ZFAND3: variants seen among roughly 807,000 people sequenced by gnomAD.
ZFAND3 encodes zinc finger AN1-type containing 3.
Under a neutral mutation model 29.6 loss-of-function variants are expected in ZFAND3, and 10 were observed. The ratio of observed to expected loss-of-function variants is 0.34; its 90% confidence interval spans 0.21 to 0.57. ZFAND3 has a LOEUF of 0.57. ZFAND3 is among the 20% of genes least tolerant of loss of function. The probability of loss-of-function intolerance (pLI) is 0.86; values close to 1 mark genes in which losing one functional copy is unlikely to be tolerated. For missense variants in ZFAND3, 230 were observed against 304.5 expected (o/e 0.76, Z 1.82); for synonymous variants, 128 against 112.6 (o/e 1.14, Z -0.87).
chr6:37,992,990 G>C (rs2127436216), intron 2 of ZFAND3, among the ~76,000 whole-genome samples: 1 of 152,190 alleles, frequency 6.6e-6, no homozygotes, highest in East Asian at 1.9e-4. Context: ...ATTTGTTACT[G>C]CATCACATTC....
At chr6:37,913,708 C>CTTTTTTTTTTTTTTTTTTTTTTTTTTT (rs56045448) in intron 1 of ZFAND3, among the ~76,000 whole-genome samples, 15 of 113,038 alleles carry the variant, frequency 1.3e-4, no homozygotes, top group Admixed American at 3.8e-4. Context: ...CAGCTATATT[C>CTTTTTTTTTTTTTTTTTTTTTTTTTTT]TTTTTTTTTT....
chr6:38,024,557 T>G lies in ZFAND3; in HGVS notation c.113-37036T>G, dbSNP rs181998469. Among the ~76,000 whole-genome samples, 500 of 152,296 alleles carry G rather than the reference T, an allele frequency of 3.3e-3. 1 individual carries two copies. The highest frequency in any genetic ancestry group is 5.2e-3 in the Non-Finnish European group (356 of 68,012). ...AGTAGGTGGCAGGCAGCAGCCTATT[T>G]CTTCCATTGGATGAATGATTAAATA... On this transcript the variant is annotated intron_variant, in intron 2 of 5. Transcript: ENST00000287218.
At chr6:37,892,600 C>G (rs548658475) in intron 1 of ZFAND3, among the ~76,000 whole-genome samples, 1 of 151,820 alleles carries the variant, frequency 6.6e-6, no homozygotes, top group South Asian at 2.1e-4. Flanking sequence ...GAAAGAAGAA[C>G]AAAAATAAAG....
chr6:37,859,420 C>T (rs889296290), intron 1 of ZFAND3, among the ~76,000 whole-genome samples: 1 of 152,198 alleles, frequency 6.6e-6, no homozygotes, highest in Non-Finnish European at 1.5e-5. Context: ...TTCTCTTCAT[C>T]GCTCTTCCAT....
chr6:37,943,165 A>T (rs183513797), intron 2 of ZFAND3, among the ~76,000 whole-genome samples: 1 of 152,174 alleles, frequency 6.6e-6, no homozygotes, highest in African/African-American at 2.4e-5. Context: ...GAAACTAAAC[A>T]TAGGCATTTC....
chr6:38,098,541 C>A (rs1442330854), intron 4 of ZFAND3, among the ~76,000 whole-genome samples: 2 of 151,168 alleles, frequency 1.3e-5, no homozygotes, highest in Non-Finnish European at 2.9e-5. Context: ...CGCTCTGTTG[C>A]CCAGGCTGGA....
intron 4 of ZFAND3, among the ~76,000 whole-genome samples, chr6:38,091,690 C>A (rs774021997): frequency 9.9e-6 from 1 of 101,006 alleles, no homozygotes; most frequent in Non-Finnish European, 2.2e-5. Flanking sequence ...CATTAAGGAG[C>A]CTTTTTTTTT....
intron 2 of ZFAND3, among the ~76,000 whole-genome samples, chr6:38,023,911 C>G (rs144706713): frequency 5.3e-5 from 8 of 151,992 alleles, no homozygotes; most frequent in Admixed American, 1.3e-4. Flanking sequence ...CCCAGCTACT[C>G]GGGAGGCTGA....
rs1763818452 is a variant in ZFAND3, at chr6:38,042,854, G to C, written c.113-18739G>C. 1.3e-5 allele frequency among the ~76,000 whole-genome samples: 2 copies of C among 152,098 alleles called. 1 individual carries two copies. Among genetic ancestry groups the C allele is most frequent in the South Asian group, 4.2e-4 (2 of 4,816 alleles). The stretch of plus-strand genomic sequence containing the variant: ...TAAAAACCTACTTGAGAAAGTCATA[G>C]ATTAGCGTTCATGGTGGGAGACGTT... On this transcript the variant is annotated intron_variant, in intron 2 of 5. Coordinates refer to ENST00000287218, the MANE Select transcript of ZFAND3 (RefSeq NM_021943.3).
chr6:38,128,008 ACTT>A (rs1394202353), intron 5 of ZFAND3, among the ~76,000 whole-genome samples: 2 of 152,128 alleles, frequency 1.3e-5, no homozygotes, highest in East Asian at 3.9e-4. Context: ...GACTCTCTTA[ACTT>A]CTTCTTGTTA....
chr6:37,820,961 A>G (rs554784991), intron 1 of ZFAND3, among the ~76,000 whole-genome samples: 1 of 152,346 alleles, frequency 6.6e-6, no homozygotes, highest in South Asian at 2.1e-4. Context: ...TTCTGCAGTA[A>G]GAAAGCTGGA....
chr6:37,853,529 A>G (rs1012103314), intron 1 of ZFAND3, among the ~76,000 whole-genome samples: 5 of 152,072 alleles, frequency 3.3e-5, no homozygotes, highest in Admixed American at 2.0e-4. Context: ...AATACTATAA[A>G]TATTTTTGGG....
At chr6:37,862,518 CAAA>C (rs79671764) in intron 1 of ZFAND3, among the ~76,000 whole-genome samples, 5 of 111,592 alleles carry the variant, frequency 4.5e-5, no homozygotes, top group Non-Finnish European at 3.9e-5. Context: ...CCTATCTTTC[CAAA>C]AAAAAAAAAA....
intron 1 of ZFAND3, among the ~76,000 whole-genome samples, chr6:37,846,661 T>C (rs923686790): frequency 1.3e-5 from 2 of 152,010 alleles, no homozygotes; most frequent in Non-Finnish European, 2.9e-5. Context: ...AACTCAAATC[T>C]AGTTTGTTAG....
At chr6:37,936,058 A>G (rs890314544) in intron 2 of ZFAND3, among the ~76,000 whole-genome samples, 1 of 152,242 alleles carries the variant, frequency 6.6e-6, no homozygotes, top group Non-Finnish European at 1.5e-5. Flanking sequence ...AATATTTAGG[A>G]ATAGTTAGTA....
intron 1 of ZFAND3, among the ~76,000 whole-genome samples, chr6:37,839,745 C>T (rs1312058377): frequency 1.3e-5 from 2 of 150,484 alleles, no homozygotes; most frequent in Non-Finnish European, 3.0e-5. Context: ...GATCTCTTGA[C>T]CTCGTGATCC....
chr6:37,957,367 C>T (rs1484330858), intron 2 of ZFAND3, among the ~76,000 whole-genome samples: 2 of 150,424 alleles, frequency 1.3e-5, no homozygotes, highest in African/African-American at 2.5e-5. Context: ...TAACCTTGGA[C>T]AAGTGACATA....
chr6:38,042,017 G>T (rs1358297743), intron 2 of ZFAND3, among the ~76,000 whole-genome samples: 1 of 148,674 alleles, frequency 6.7e-6, no homozygotes, highest in Admixed American at 6.7e-5. Flanking sequence ...TGGGGGGGAG[G>T]GGGAGAGACA....
chr6:38,144,211 A>ATTAT (rs70981524), intron 5 of ZFAND3, among the ~76,000 whole-genome samples: 1 of 45,880 alleles, frequency 2.2e-5, no homozygotes, highest in Non-Finnish European at 3.9e-5. Flanking sequence ...ATATATATAT[A>ATTAT]ATATATAATA....
Sources: gnomAD v4.1 joint callset for allele counts (sites outside exome capture counted in the v4.1 genomes callset) on GRCh38, gnomAD v4.1.1 for gene constraint, MANE v1.5 for transcripts, NCBI Gene and HGNC (gene_info 2026-07-23, HGNC 2026-07-21) for gene names.